Variants in NDUFAF7 observed in about 807,000 individuals in gnomAD.
The protein encoded by NDUFAF7 is NADH:ubiquinone oxidoreductase complex assembly factor 7.
A neutral mutation model predicts 47.2 loss-of-function variants in NDUFAF7; 48 were observed. The observed-to-expected ratio is 1.02, with a 90% confidence interval of 0.81 to 1.29. The LOEUF (loss-of-function observed/expected upper bound fraction) is 1.29. Among genes scored for constraint, NDUFAF7 ranks in the 50% most tolerant of loss-of-function variants. The pLI is 0.00. For synonymous variants in NDUFAF7, 217 were observed against 190.0 expected (o/e 1.14, Z -1.17); for missense variants, 635 against 537.6 (o/e 1.18, Z -1.79).
chr2:37,243,556 A>G (rs1666579025), intron 6 of NDUFAF7, among the ~76,000 whole-genome samples: 1 of 152,250 alleles, frequency 6.6e-6, no homozygotes, highest in Non-Finnish European at 1.5e-5. Flanking sequence ...AGCAGCTCTC[A>G]TGATCCTGTA....
chr2:37,248,673 G>A lies in NDUFAF7; in HGVS notation c.*323G>A, dbSNP rs1264853475. ...CTCATGCCTGTAATCCCAGCACTTT[G>A]GGAGGCTGAGGTGGGCATATCACCT... On this transcript the variant is annotated 3_prime_UTR_variant, in exon 10 of 10. Coordinates refer to ENST00000002125, the MANE Select transcript of NDUFAF7 (RefSeq NM_144736.5). 3 of 352,646 alleles carry A rather than the reference G, an allele frequency of 8.5e-6. No individual in the cohort carries two copies. The highest frequency in any genetic ancestry group is 1.5e-4 in the East Asian group (2 of 13,714). 21.8% of individuals were successfully genotyped at this position (352,646 alleles called of 1,614,324 possible).
downstream of NDUFAF7, chr2:37,253,190 T>C: frequency 6.2e-7 from 1 of 1,602,292 alleles, no homozygotes; most frequent in Non-Finnish European, 8.5e-7. Flanking sequence ...AGGATCTTCT[T>C]CCATATCATC....
chr2:37,244,401 T>C (rs1666697021), intron 7 of NDUFAF7, among the ~76,000 whole-genome samples: 1 of 152,230 alleles, frequency 6.6e-6, no homozygotes. Flanking sequence ...AAAGCAACTA[T>C]ATTAGGTAGG....
intron 4 of NDUFAF7, among the ~76,000 whole-genome samples, chr2:37,240,396 C>A: frequency 6.6e-6 from 1 of 151,076 alleles, no homozygotes; most frequent in Non-Finnish European, 1.5e-5. Flanking sequence ...AAGTGAGACC[C>A]TGTCTCAAAA....
chr2:37,267,809 T>C, the NDUFAF7 span: 1 of 349,758 alleles, frequency 2.9e-6, no homozygotes, highest in Non-Finnish European at 5.2e-6. Context: ...CCTTGTTAAA[T>C]CAATGATAGT....
At chr2:37,269,712 G>C in the NDUFAF7 span, 2 of 1,512,938 alleles carry the variant, frequency 1.3e-6, no homozygotes, top group African/African-American at 2.8e-5. Context: ...TAAGGAGTTA[G>C]TATTATTTAT....
chr2:37,263,607 G>A, the NDUFAF7 span, among the ~76,000 whole-genome samples: 3,445 of 152,170 alleles, frequency 0.023, 58 homozygotes, highest in South Asian at 0.041. Flanking sequence ...TGTTAAAGTG[G>A]CCTTCTTTCA....
rs955771099 is a variant in NDUFAF7, at chr2:37,236,135, G to C, written c.256G>C (p.Asp86His). The C allele has an allele frequency of 2.5e-6, 4 of 1,613,402 alleles. No individual in the cohort carries two copies. The highest frequency in any genetic ancestry group is 8.5e-7 in the Non-Finnish European group (1 of 1,179,436). The change falls in exon 3 of 10, where the codon GAT (aspartate) becomes CAT (histidine). Residue 86 changes from aspartate (D) to histidine (H), a missense_variant. Physicochemically the swap from Asp to His is moderately conservative, Grantham distance 81. Coordinates refer to ENST00000002125, the MANE Select transcript of NDUFAF7 (RefSeq NM_144736.5). ...VYRDMLGEKG[D>H]FITSPEISQI... ...CCGTGACATGCTAGGCGAAAAAGGA[G>C]ATTTCATTACTTCACCTGAAATAAG...
chr2:37,240,547 A>T (rs1245629112), intron 4 of NDUFAF7, among the ~76,000 whole-genome samples: 1 of 152,068 alleles, frequency 6.6e-6, no homozygotes, highest in Non-Finnish European at 1.5e-5. Flanking sequence ...AATCTTGATT[A>T]TTTGGGTGAA....
intron 2 of NDUFAF7, among the ~76,000 whole-genome samples, chr2:37,233,403 G>A (rs1572524075): frequency 6.6e-6 from 1 of 152,216 alleles, no homozygotes; most frequent in Non-Finnish European, 1.5e-5. Context: ...GCCAAGGCGG[G>A]TGGATCACGA....
downstream of NDUFAF7, chr2:37,252,349 G>T (rs1206179219): frequency 2.0e-5 from 3 of 152,210 alleles, no homozygotes; most frequent in East Asian, 5.8e-4. Flanking sequence ...CTGGCATCAA[G>T]ATGGTGTCAG....
downstream of NDUFAF7, among the ~76,000 whole-genome samples, chr2:37,258,268 G>T (rs1668135045): frequency 6.6e-6 from 1 of 152,206 alleles, no homozygotes; most frequent in African/African-American, 2.4e-5. Flanking sequence ...TTTTATGAAT[G>T]ATATTTGCTC....
At chr2:37,262,314 T>C in the NDUFAF7 span, among the ~76,000 whole-genome samples, 1 of 152,240 alleles carries the variant, frequency 6.6e-6, no homozygotes, top group Non-Finnish European at 1.5e-5. Flanking sequence ...CACTGTATTG[T>C]AATAATGTGT....
chr2:37,262,989 T>C, the NDUFAF7 span, among the ~76,000 whole-genome samples: 3 of 151,796 alleles, frequency 2.0e-5, 1 homozygote, highest in Non-Finnish European at 4.4e-5. Flanking sequence ...CCTCCTCCCT[T>C]CCCCCACACA....
At chr2:37,259,778 TTCA>T in the NDUFAF7 span, 1 of 810,274 alleles carries the variant, frequency 1.2e-6, no homozygotes. Context: ...TCCACTATAG[TTCA>T]TCAAGACTTA....
At chr2:37,252,841 T>TATATATATATATATATATA (rs1553362954), downstream of NDUFAF7, 2 of 80,508 alleles carry the variant, frequency 2.5e-5, no homozygotes, top group South Asian at 9.6e-4. Flanking sequence ...AAACATATAT[T>TATATATATATATATATATA]TATATTTATA....
At chr2:37,267,563 A>C in the NDUFAF7 span, 1 of 1,503,428 alleles carries the variant, frequency 6.7e-7, no homozygotes, top group Non-Finnish European at 9.2e-7. Context: ...AAGAGGAACG[A>C]ATGAAGCAAA....
chr2:37,251,771 A>C (rs1270389061), downstream of NDUFAF7: 1 of 152,178 alleles, frequency 6.6e-6, no homozygotes, highest in Non-Finnish European at 1.5e-5. Flanking sequence ...TTACAGACTG[A>C]GGAACTGCCG....
At position 37,234,273 on chromosome 2, in the gene NDUFAF7, A is replaced by G. The variant is rs533566984; in HGVS notation, c.217-1823A>G. Reference sequence around the variant, plus strand: ...CCCAGCTAGGTTTTTTGTATTTTCAATGGAGATCGGGTTTTGCCTTGTTGG... The same window carrying G: ...CCCAGCTAGGTTTTTTGTATTTTCAGTGGAGATCGGGTTTTGCCTTGTTGG... On this transcript the variant is annotated intron_variant, in intron 2 of 9. Coordinates refer to ENST00000002125, the MANE Select transcript of NDUFAF7 (RefSeq NM_144736.5). Among the ~76,000 whole-genome samples the G allele has an allele frequency of 2.3e-3, 346 of 152,122 alleles. 2 individuals carry two copies. Among genetic ancestry groups the G allele is most frequent in the African/African-American group, 8.0e-3 (333 of 41,480 alleles).
Sources: allele counts gnomAD v4.1 joint callset (sites outside exome capture counted in the v4.1 genomes callset), GRCh38; gene constraint gnomAD v4.1.1; transcripts MANE v1.5; gene names NCBI Gene and HGNC (gene_info 2026-07-23, HGNC 2026-07-21).